Variants in LAMA5 observed in about 807,000 individuals in gnomAD.
LAMA5 encodes the protein laminin subunit alpha 5.
A neutral mutation model predicts 433.4 loss-of-function variants in LAMA5; 260 were observed. The ratio of observed to expected loss-of-function variants is 0.60; its 90% CI spans 0.54 to 0.66. LAMA5 has a LOEUF of 0.66. LAMA5 is among the 30% of genes least tolerant of loss of function. LAMA5 has a pLI of 0.00. For synonymous variants in LAMA5, 2,620 were observed against 2,226.6 expected (o/e 1.18, Z -4.97); for missense variants, 5,378 against 5,258.5 (o/e 1.02, Z -0.70).
intron 28 of LAMA5, 63 bp from the exon 29 acceptor site, chr20:62,331,192 G>A (rs930338694): frequency 4.2e-5 from 33 of 786,686 alleles, no homozygotes; most frequent in Non-Finnish European, 5.3e-5. Context: ...GGGTGCAGGC[G>A]GTACGATGGG....
At chr20:62,321,222 TG>T in intron 48 of LAMA5, among the ~76,000 whole-genome samples, 1 of 3,462 alleles carries the variant, frequency 2.9e-4, no homozygotes, top group South Asian at 7.2e-3. Context: ...AGGGGGCCAG[TG>T]GAGGAGGCGG....
At chr20:62,312,833 G>A (rs555665121) in intron 66 of LAMA5, 53 bp from the exon 67 acceptor site, 11 of 1,601,512 alleles carry the variant, frequency 6.9e-6, no homozygotes, top group African/African-American at 2.7e-5. Flanking sequence ...GGCCTGCCCC[G>A]CCCCCATCGT....
chr20:62,353,091 C>G, intron 3 of LAMA5, 43 bp downstream of exon 3: 1 of 1,420,564 alleles, frequency 7.0e-7, no homozygotes, highest in Non-Finnish European at 9.7e-7. Flanking sequence ...GCCCAGGGAC[C>G]CCCCTGCCTC....
intron 6 of LAMA5, 34 bp from the exon 7 acceptor site, chr20:62,347,062 T>A: frequency 6.4e-7 from 1 of 1,557,774 alleles, no homozygotes; most frequent in Non-Finnish European, 8.8e-7. Context: ...ATCAGGCCCA[T>A]CCTGGAGGCA....
rs745449143 is a variant in LAMA5 at position 62,327,539 on chromosome 20, G to A, written c.4928C>T (p.Thr1643Ile). 6.2e-7 allele frequency: 1 copy of A among 1,612,914 alleles called. No homozygotes were observed. Residue 1643 changes from threonine (T) to isoleucine (I), a missense_variant, in exon 37 of 80, where the codon ACC (threonine) becomes ATC (isoleucine). Transcript: ENST00000252999. ...ATERCRSSSY[T>I]RQEFVDMEGW... ...GTCCTGCAGGCGCACCTCCTGGCGG[G>A]TGTAGGACGAGCTCCGGCAGCGCTC...
chr20:62,332,394 G>C lies in LAMA5; in HGVS notation c.3530C>G (p.Ala1177Gly), dbSNP rs979892001. ...TACCAGGAAGAAGCGTGCCTGTTCG[G>C]CTGTGAGCCTCACGCTGGCCTCCGA... ...LDSEASVRLT[A>G]EQARFFLHGV... The change falls in exon 28 of 80, where the codon GCC (alanine) becomes GGC (glycine). Residue 1177 changes from alanine (A) to glycine (G), a missense_variant. By Grantham distance (60) the Ala-to-Gly change is moderately conservative. Coordinates refer to ENST00000252999, the MANE Select transcript of LAMA5 (RefSeq NM_005560.6). 1.9e-6 allele frequency: 3 copies of C among 1,612,418 alleles called. No individual in the cohort carries two copies. Among genetic ancestry groups the C allele is most frequent in the Non-Finnish European group, 2.5e-6 (3 of 1,179,728 alleles).
At position 62,346,802 on chromosome 20, in the gene LAMA5, T is replaced by TAG. The variant is rs750984999; in HGVS notation, c.1073-4_1073-3dup. The TAG allele has an allele frequency of 4.3e-6, 7 of 1,611,288 alleles. No individual in the cohort carries two copies. The Admixed American group carries it at 1.2e-4, about 27-fold the overall frequency. On this transcript the variant is annotated splice_region_variant and splice_polypyrimidine_tract_variant and intron_variant, in intron 7 of 79. Transcript: ENST00000252999. ...TGGCATGGCCGTAGCAGTTACAGGC[T>TAG]AGAGAGAGGGGAGCGCAGCTGTTGG...
In LAMA5 at chr20:62,318,907, C is replaced by A. The variant is rs1362055632; in HGVS notation, c.6978G>T (p.Met2326Ile). 2 of 1,605,126 alleles carry A rather than the reference C, an allele frequency of 1.2e-6. No homozygotes were observed. The highest frequency in any genetic ancestry group is 1.7e-6 in the Non-Finnish European group (2 of 1,177,890). Reference protein sequence around the residue: ...LAEVERLLWEMRARDLGAPQA... With the variant: ...LAEVERLLWEIRARDLGAPQA... The stretch of plus-strand genomic sequence containing the variant: ...GCGGGGCCCCCAGGTCCCGGGCCCG[C>A]ATCTCCCAGAGCAGCCGCTCCACCT... Residue 2326 changes from methionine to isoleucine, a missense_variant, in exon 52 of 80, where the codon ATG becomes ATT. Met to Ile is a conservative substitution (Grantham distance 10, BLOSUM62 1). Transcript: ENST00000252999.
intron 2 of LAMA5, among the ~76,000 whole-genome samples, chr20:62,362,196 C>T (rs1046579328): frequency 2.6e-5 from 4 of 152,236 alleles, no homozygotes; most frequent in Non-Finnish European, 5.9e-5. Flanking sequence ...GTCATGGGGA[C>T]GCTGAAAGCA....
intron 2 of LAMA5, among the ~76,000 whole-genome samples, chr20:62,358,962 G>A (rs1311855634): frequency 3.3e-5 from 5 of 151,888 alleles, no homozygotes; most frequent in South Asian, 2.1e-4. Flanking sequence ...GGCACTGCTC[G>A]CCCCCAACCA....
intron 40 of LAMA5, 50 bp from the exon 41 acceptor site, chr20:62,325,596 A>C: frequency 7.6e-7 from 1 of 1,317,442 alleles, no homozygotes; most frequent in Non-Finnish European, 1.1e-6. Context: ...ATGGGACAGA[A>C]CAGGGAGCCT....
At chr20:62,326,549 C>A (rs1201546403) in intron 40 of LAMA5, 128 bp downstream of exon 40, 3 of 716,536 alleles carry the variant, frequency 4.2e-6, no homozygotes, top group Non-Finnish European at 7.0e-6. Context: ...CCAGCCCCCA[C>A]CCCGCTTCTG....
intron 22 of LAMA5, 61 bp from the exon 23 acceptor site, chr20:62,334,100 C>CT (rs1229952221): frequency 8.7e-5 from 138 of 1,588,228 alleles, no homozygotes; most frequent in Non-Finnish European, 1.1e-4. Context: ...AGGCCTGGGC[C>CT]TTCAAGGGGC....
Position 62,322,663 on chromosome 20 carries a change from A to T in LAMA5, c.6160T>A (p.Cys2054Ser). The T allele has an allele frequency of 1.4e-6, 2 of 1,402,234 alleles. No individual in the cohort carries two copies. The highest frequency in any genetic ancestry group is 1.9e-6 in the Non-Finnish European group (2 of 1,045,308). 86.9% of individuals were successfully genotyped at this position (1,402,234 alleles called of 1,614,324 possible). Reference sequence around the variant, plus strand: ...TGCTTACCCCACAGCCCTACCTGGCAGCGGTCACAGCGCCGCCCAGTCACG... The same window carrying T: ...TGCTTACCCCACAGCCCTACCTGGCTGCGGTCACAGCGCCGCCCAGTCACG... ...AGVTGRRCDR[C>S]QEGHFGFDGC... The change falls in exon 46 of 80, where the codon TGC becomes AGC. Residue 2054 changes from cysteine (C) to serine (S), a missense_variant. Transcript: ENST00000252999.
chr20:62,324,071 C>CT lies in LAMA5; in HGVS notation c.5768+8dup, dbSNP rs1484501401. On this transcript the variant is annotated intron_variant, in intron 43 of 79. Coordinates refer to ENST00000252999, the MANE Select transcript of LAMA5 (RefSeq NM_005560.6). This position sits in a 1 kb window ranked among gnomAD's most constrained non-coding sequence, Gnocchi z 4.4. ...ATCAGGGCCTCGTCCCGGGAGGAGG[C>CT]TGGCTTACTTGTTGGAAGGCACTGA... 6.7e-7 allele frequency: 1 copy of CT among 1,502,848 alleles called. No homozygotes were observed. The highest frequency in any genetic ancestry group is 1.4e-5 in the African/African-American group (1 of 70,964). The allele number at this position is 1,502,848 out of a possible 1,614,324, so 93.1% of individuals were successfully genotyped here.
chr20:62,351,856 C>A, intron 5 of LAMA5, 53 bp downstream of exon 5: 1 of 1,575,086 alleles, frequency 6.3e-7, no homozygotes, highest in Non-Finnish European at 8.6e-7. Flanking sequence ...CACCCTGAGT[C>A]CCGGGTCCAC....
intron 11 of LAMA5, among the ~76,000 whole-genome samples, chr20:62,345,019 T>A (rs1037153656): frequency 6.6e-6 from 1 of 152,082 alleles, no homozygotes; most frequent in Non-Finnish European, 1.5e-5. Context: ...TAACTTTTTG[T>A]TTTTGTTTTT....
intron 43 of LAMA5, 107 bp downstream of exon 43, chr20:62,323,973 C>G: frequency 7.1e-7 from 1 of 1,412,112 alleles, no homozygotes; most frequent in Non-Finnish European, 9.5e-7. Flanking sequence ...CTCACGGACA[C>G]CTCCAGCTGT....
intron 44 of LAMA5, 33 bp downstream of exon 44, chr20:62,323,743 A>G: frequency 6.3e-7 from 1 of 1,599,878 alleles, no homozygotes; most frequent in Non-Finnish European, 8.5e-7. Context: ...GTCAGCACTC[A>G]GGCCCTGCCC....
Sources: gnomAD v4.1 joint callset for allele counts (sites outside exome capture counted in the v4.1 genomes callset) on GRCh38, gnomAD v4.1.1 for gene constraint, Gnocchi (gnomAD v3.1) non-coding constraint, MANE v1.5 for transcripts, NCBI Gene and HGNC (gene_info 2026-07-23, HGNC 2026-07-21) for gene names.